The following TRAF3IP3 variants were observed in gnomAD, a reference collection of about 807,000 sequenced individuals.
TRAF3IP3 encodes TRAF3-interacting JNK-activating modulator.
Under a neutral mutation model 86.5 loss-of-function variants are expected in TRAF3IP3, and 64 were observed. The observed-to-expected ratio is 0.74, with a 90% CI of 0.60 to 0.91. TRAF3IP3 has a LOEUF of 0.91. Ranked by LOEUF, TRAF3IP3 falls within the 40% of genes least tolerant of loss-of-function variation. The pLI, the probability that TRAF3IP3 is intolerant of heterozygous loss-of-function variation, is 0.00. For missense variants in TRAF3IP3, 579 were observed against 642.9 expected (o/e 0.90, Z 1.07); for synonymous variants, 220 against 243.9 (o/e 0.90, Z 0.91).
At chr1:209,775,312 C>T (rs537544414) in intron 9 of TRAF3IP3, 37 bp from the exon 10 acceptor site, 7 of 1,573,206 alleles carry the variant, frequency 4.4e-6, no homozygotes, top group Middle Eastern at 3.3e-4. Context: ...CACACAGAAG[C>T]TCAATGTGTA....
chr1:209,757,575 C>T (rs1404110589), intron 1 of TRAF3IP3, among the ~76,000 whole-genome samples: 1 of 152,124 alleles, frequency 6.6e-6, no homozygotes, highest in East Asian at 1.9e-4. Flanking sequence ...AATGTGACTT[C>T]AGCCTGGGGC....
chr1:209,760,412 G>C (rs6696463), intron 3 of TRAF3IP3, 28 bp downstream of exon 3: 390,572 of 1,531,746 alleles, frequency 0.25, 58,051 homozygotes, highest in African/African-American at 0.69. Flanking sequence ...ACATACTGCT[G>C]TGTGCTCTGG....
Position 209,777,465 on chromosome 1 carries a change from C to T in TRAF3IP3, c.1167C>T (p.Ser389=). The change falls in exon 12 of 17, where the codon AGC becomes AGT. Residue 389 remains serine, a synonymous_variant. Coordinates refer to ENST00000367025, the MANE Select transcript of TRAF3IP3 (RefSeq NM_025228.4). The part of the protein sequence containing the change: ...ECLQGDRDLC[S]LDTQDLQDQL... ...TGCAAGGGGACAGAGACCTGTGCAGCTTGGATACCCAGGACCTACAAGGTA... is the reference window on the plus strand; with the variant it reads ...TGCAAGGGGACAGAGACCTGTGCAGTTTGGATACCCAGGACCTACAAGGTA... 1 of 1,613,752 alleles carries T rather than the reference C, an allele frequency of 6.2e-7. No individual in the cohort carries two copies. The highest frequency in any genetic ancestry group is 8.5e-7 in the Non-Finnish European group (1 of 1,179,766).
chr1:209,770,390 TGTGTGTGTGC>T (rs2077443504), intron 8 of TRAF3IP3, among the ~76,000 whole-genome samples: 1 of 150,712 alleles, frequency 6.6e-6, no homozygotes, highest in African/African-American at 2.4e-5. Flanking sequence ...CATGTGGAGG[TGTGTGTGTGC>T]AGGTGGAGGT....
intron 8 of TRAF3IP3, among the ~76,000 whole-genome samples, chr1:209,768,822 G>A (rs1471130848): frequency 6.6e-6 from 1 of 152,174 alleles, no homozygotes; most frequent in African/African-American, 2.4e-5. Flanking sequence ...GGGACCCTGG[G>A]GCTCAGACCA....
At chr1:209,767,698 G>A (rs75634817) in intron 8 of TRAF3IP3, among the ~76,000 whole-genome samples, 6,058 of 151,494 alleles carry the variant, frequency 0.04, 576 homozygotes, top group East Asian at 0.3. Context: ...GAGGGGGGAG[G>A]GTTCAAGGAT....
intron 8 of TRAF3IP3, among the ~76,000 whole-genome samples, chr1:209,769,208 C>T (rs1482530008): frequency 6.7e-6 from 1 of 149,682 alleles, no homozygotes; most frequent in Non-Finnish European, 1.5e-5. Flanking sequence ...TTGCATTCTG[C>T]ATAGAAAGAG....
At chr1:209,768,078 A>G (rs2077391098) in intron 8 of TRAF3IP3, 2 of 932,050 alleles carry the variant, frequency 2.1e-6, no homozygotes, top group Non-Finnish European at 2.6e-6. Context: ...AGGTAATTCA[A>G]CTCTCTATCT....
chr1:209,761,534 T>C (rs1250612157), intron 3 of TRAF3IP3, among the ~76,000 whole-genome samples: 2 of 152,116 alleles, frequency 1.3e-5, no homozygotes, highest in Admixed American at 1.3e-4. Flanking sequence ...TTATGCTCAA[T>C]AGGAGATGCT....
chr1:209,765,219 GA>G (rs1374989998), intron 8 of TRAF3IP3, among the ~76,000 whole-genome samples: 2 of 106,756 alleles, frequency 1.9e-5, no homozygotes, highest in African/African-American at 4.2e-5. Flanking sequence ...GAGAGGGAGA[GA>G]GAGAGAGAGG....
At chr1:209,779,450 A>G (rs750588390) in intron 14 of TRAF3IP3, 76 bp downstream of exon 14, 2 of 1,310,590 alleles carry the variant, frequency 1.5e-6, no homozygotes, top group Admixed American at 3.4e-5. Context: ...GATGGACTAC[A>G]TGACCTCCTG....
Position 209,777,457 on chromosome 1 carries a change from C to G in TRAF3IP3, c.1159C>G (p.Leu387Val), listed in dbSNP as rs370559667. 2 of 1,614,040 alleles carry G rather than the reference C, an allele frequency of 1.2e-6. No individual in the cohort carries two copies. The highest frequency in any genetic ancestry group is 2.2e-5 in the East Asian group (1 of 44,866). The change falls in exon 12 of 17, where the codon CTG becomes GTG. Residue 387 changes from leucine (L) to valine (V), a missense_variant. By Grantham distance (32) the Leu-to-Val change is conservative (BLOSUM62 1). Coordinates refer to ENST00000367025, the MANE Select transcript of TRAF3IP3 (RefSeq NM_025228.4). Reference sequence around the variant, plus strand: ...TGAATGCCTGCAAGGGGACAGAGACCTGTGCAGCTTGGATACCCAGGACCT... The same window carrying G: ...TGAATGCCTGCAAGGGGACAGAGACGTGTGCAGCTTGGATACCCAGGACCT... Reference protein sequence around the residue: ...KIECLQGDRDLCSLDTQDLQD... With the variant: ...KIECLQGDRDVCSLDTQDLQD...
intron 11 of TRAF3IP3, 133 bp downstream of exon 11, chr1:209,775,869 C>A: frequency 1.3e-6 from 1 of 797,022 alleles, no homozygotes; most frequent in Non-Finnish European, 1.9e-6. Flanking sequence ...GTCACCACTA[C>A]TTTGTACCAA....
In TRAF3IP3 at chr1:209,756,097, CT is replaced by C. The variant is rs1445008971; in HGVS notation, c.-370del. ...GAGAGAGGAACTGGGGTTTGCGAAC[CT>C]TGTGGCTTTGTCTGTTTCCTGTTTC... On this transcript the variant is annotated 5_prime_UTR_variant, in exon 1 of 17. The change abolishes the stop of an existing upstream ORF in the 5' untranslated region. Transcript: ENST00000367025. 3.3e-5 allele frequency: 5 copies of C among 152,522 alleles called. No homozygotes were observed. The highest frequency in any genetic ancestry group is 1.2e-4 in the African/African-American group (5 of 41,588). The allele number at this position is 152,522 out of a possible 1,614,324, so 9.4% of individuals were successfully genotyped here.
intron 8 of TRAF3IP3, among the ~76,000 whole-genome samples, chr1:209,768,983 C>G (rs1208194315): frequency 6.6e-6 from 1 of 152,226 alleles, no homozygotes; most frequent in African/African-American, 2.4e-5. Context: ...GGTAAATTGT[C>G]TTCCGTTGCA....
chr1:209,775,573 GC>G, intron 10 of TRAF3IP3, 25 bp from the exon 11 acceptor site: 1 of 1,614,174 alleles, frequency 6.2e-7, no homozygotes, highest in Non-Finnish European at 8.5e-7. Context: ...ACTCCCTGGA[GC>G]CCTCTCCTCT....
At chr1:209,768,728 C>T (rs1444131908) in intron 8 of TRAF3IP3, 20 of 978,044 alleles carry the variant, frequency 2.0e-5, no homozygotes, top group Non-Finnish European at 2.2e-5. Context: ...CCTCGGCTCC[C>T]GGGGTCTAAC....
intron 14 of TRAF3IP3, 78 bp from the exon 15 acceptor site, chr1:209,780,392 T>C: frequency 7.4e-7 from 1 of 1,359,396 alleles, no homozygotes; most frequent in Admixed American, 2.7e-5. Context: ...CTCTCCCCAC[T>C]CCTAGTGGTT....
chr1:209,763,401 C>T lies in TRAF3IP3; in HGVS notation c.606+9C>T. ...TTTCTGATTACCTCAAAGTAAGTGGCATGTGACCCCTCCCCTCAGTTCCTC... is the reference window on the plus strand; with the variant it reads ...TTTCTGATTACCTCAAAGTAAGTGGTATGTGACCCCTCCCCTCAGTTCCTC... On this transcript the variant is annotated intron_variant, in intron 7 of 16. Transcript: ENST00000367025. 1 of 1,613,802 alleles carries T rather than the reference C, an allele frequency of 6.2e-7. No individual in the cohort carries two copies. Among genetic ancestry groups the T allele is most frequent in the Non-Finnish European group, 8.5e-7 (1 of 1,179,794 alleles).
Sources: allele counts gnomAD v4.1 joint callset (sites outside exome capture counted in the v4.1 genomes callset), GRCh38; gene constraint gnomAD v4.1.1; transcripts MANE v1.5; gene names NCBI Gene and HGNC (gene_info 2026-07-23, HGNC 2026-07-21).